WDFY4: variants seen among roughly 807,000 people sequenced by gnomAD.
WDFY4 encodes WD repeat- and FYVE domain-containing protein 4.
A neutral mutation model predicts 351.9 loss-of-function variants in WDFY4; 169 were observed. The observed-to-expected ratio is 0.48, with a 90% CI of 0.42 to 0.55. WDFY4 has a LOEUF of 0.55. Among genes scored for constraint, WDFY4 ranks in the 20% least tolerant of loss-of-function variants. WDFY4 has a pLI of 0.00. For synonymous variants in WDFY4, 1,622 were observed against 1,574.6 expected (o/e 1.03, Z -0.71); for missense variants, 3,803 against 3,935.6 (o/e 0.97, Z 0.90).
At chr10:48,730,074 G>T (rs1169067613) in intron 8 of WDFY4, among the ~76,000 whole-genome samples, 1 of 152,236 alleles carries the variant, frequency 6.6e-6, no homozygotes, top group East Asian at 1.9e-4. Context: ...TTGAACCCTA[G>T]TCTGCTGGAG....
At chr10:48,769,696 G>A (rs866358344) in intron 13 of WDFY4, among the ~76,000 whole-genome samples, 43 of 152,276 alleles carry the variant, frequency 2.8e-4, no homozygotes, top group South Asian at 1.0e-3. Context: ...CCTCTTTAGG[G>A]GACCTATTGC....
chr10:48,974,455 A>G (rs928459643), intron 57 of WDFY4, among the ~76,000 whole-genome samples: 8 of 138,212 alleles, frequency 5.8e-5, no homozygotes, highest in Admixed American at 5.7e-4. Flanking sequence ...GTGAACTGAG[A>G]TCATGCCATT....
intron 31 of WDFY4, among the ~76,000 whole-genome samples, chr10:48,814,934 C>T (rs2067572101): frequency 6.6e-6 from 1 of 152,152 alleles, no homozygotes; most frequent in East Asian, 1.9e-4. Context: ...TTGTGGACCT[C>T]TTCTCATGCA....
At chr10:48,851,574 A>G (rs938252656) in intron 39 of WDFY4, among the ~76,000 whole-genome samples, 7 of 152,230 alleles carry the variant, frequency 4.6e-5, no homozygotes, top group Admixed American at 4.6e-4. Context: ...TCATCGTGGC[A>G]TCAAGTTGCT....
At chr10:48,964,110 G>A (rs1841976981) in intron 54 of WDFY4, 56 bp downstream of exon 54, 30 of 1,523,856 alleles carry the variant, frequency 2.0e-5, no homozygotes, top group Non-Finnish European at 2.7e-5. Flanking sequence ...TGCAGTGTGA[G>A]GACATTCTCT....
chr10:48,914,182 G>T, intron 47 of WDFY4: 2 of 1,599,946 alleles, frequency 1.3e-6, no homozygotes, highest in Non-Finnish European at 1.7e-6. Context: ...AGTGTTAGAA[G>T]TTTATTGTTC....
At chr10:48,709,018 C>G (rs868127183) in intron 1 of WDFY4, among the ~76,000 whole-genome samples, 9 of 151,582 alleles carry the variant, frequency 5.9e-5, no homozygotes, top group African/African-American at 1.7e-4. Context: ...CCCCCCCCCC[C>G]CAAACAGGCT....
At chr10:48,810,399 A>G in intron 28 of WDFY4, 131 bp from the exon 29 acceptor site, 1 of 770,882 alleles carries the variant, frequency 1.3e-6, no homozygotes, top group Non-Finnish European at 2.0e-6. Flanking sequence ...TTTAAATGTA[A>G]TACATAATAA....
intron 47 of WDFY4, among the ~76,000 whole-genome samples, chr10:48,922,419 G>T (rs1288511333): frequency 6.6e-6 from 1 of 152,180 alleles, no homozygotes; most frequent in Non-Finnish European, 1.5e-5. Context: ...GTGAAAAGGT[G>T]AAAGTTCTTG....
chr10:48,882,668 TGAGA>T (rs1418360906), intron 43 of WDFY4, among the ~76,000 whole-genome samples: 1 of 152,038 alleles, frequency 6.6e-6, no homozygotes, highest in Non-Finnish European at 1.5e-5. Flanking sequence ...CATCACATAG[TGAGA>T]GAGGCAGCAA....
At chr10:48,897,668 A>T in intron 45 of WDFY4, 94 bp downstream of exon 45, 1 of 1,480,820 alleles carries the variant, frequency 6.8e-7, no homozygotes, top group Non-Finnish European at 9.0e-7. Context: ...CACCTCTGTG[A>T]CTCTTCTTTG....
At chr10:48,698,513 T>C (rs1278848202) in intron 1 of WDFY4, among the ~76,000 whole-genome samples, 1 of 152,182 alleles carries the variant, frequency 6.6e-6, no homozygotes, top group East Asian at 1.9e-4. Context: ...TTCACCCCAC[T>C]TCTGGCATGA....
At chr10:48,941,154 C>T (rs764836713) in intron 47 of WDFY4, among the ~76,000 whole-genome samples, 3 of 152,062 alleles carry the variant, frequency 2.0e-5, no homozygotes, top group South Asian at 2.1e-4. Context: ...AACCCTGCCC[C>T]GTGGTTGCAG....
chr10:48,790,902 C>T lies in WDFY4; in HGVS notation c.4242C>T (p.His1414=). Residue 1414 remains histidine, a synonymous_variant, in exon 23 of 62, where the codon CAC becomes CAT. Transcript: ENST00000325239. ...SNAMCDFLMQ[H]ICGYQIMAFL... ...CCATGTGTGACTTCCTGATGCAACA[C>T]ATCTGTGGGTACCAGGTAATCCCAT... 6.4e-7 allele frequency: 1 copy of T among 1,551,746 alleles called. No individual in the cohort carries two copies. Among genetic ancestry groups the T allele is most frequent in the South Asian group, 1.2e-5 (1 of 84,062 alleles).
At chr10:48,888,110 A>G (rs767334551) in intron 43 of WDFY4, among the ~76,000 whole-genome samples, 14 of 152,228 alleles carry the variant, frequency 9.2e-5, no homozygotes, top group African/African-American at 3.4e-4. Flanking sequence ...TATTCATACA[A>G]TCTCTTTGGA....
At chr10:48,902,001 A>G (rs1333117961) in intron 47 of WDFY4, 138 bp downstream of exon 47, 1 of 779,148 alleles carries the variant, frequency 1.3e-6, no homozygotes, top group African/African-American at 1.7e-5. Context: ...TCCTATTCCT[A>G]TACATCCTTC....
chr10:48,838,043 A>G (rs2068463905), intron 39 of WDFY4, among the ~76,000 whole-genome samples: 1 of 152,230 alleles, frequency 6.6e-6, no homozygotes, highest in Admixed American at 6.5e-5. Flanking sequence ...TGCTGTTTTC[A>G]AAGCCAGGTA....
At chr10:48,866,267 G>A (rs989976185) in intron 39 of WDFY4, among the ~76,000 whole-genome samples, 10 of 151,826 alleles carry the variant, frequency 6.6e-5, no homozygotes, top group South Asian at 4.1e-4. Flanking sequence ...TATAGCCTAC[G>A]TGTTTTGGTA....
At chr10:48,942,043 C>T (rs1263092116) in intron 48 of WDFY4, among the ~76,000 whole-genome samples, 195 bp downstream of exon 48, 2 of 152,204 alleles carry the variant, frequency 1.3e-5, no homozygotes, top group African/African-American at 2.4e-5. Flanking sequence ...CAGCTCACGG[C>T]AACCTCTGTC....
Sources: gnomAD v4.1 joint callset for allele counts (sites outside exome capture counted in the v4.1 genomes callset) on GRCh38, gnomAD v4.1.1 for gene constraint, MANE v1.5 for transcripts, NCBI Gene and HGNC (gene_info 2026-07-23, HGNC 2026-07-21) for gene names.